Variants in GPC6 observed in about 807,000 individuals in gnomAD.
GPC6 encodes glypican-6.
A neutral mutation model predicts 55.2 loss-of-function variants in GPC6; 14 were observed. The ratio of observed to expected loss-of-function variants is 0.25; its 90% CI spans 0.17 to 0.40. GPC6 has a LOEUF of 0.40. Among genes scored for constraint, GPC6 ranks in the 10% least tolerant of loss-of-function variants. The pLI is 1.00. For synonymous variants in GPC6, 278 were observed against 259.6 expected (o/e 1.07, Z -0.68); for missense variants, 641 against 708.5 (o/e 0.90, Z 1.08).
intron 2 of GPC6, among the ~76,000 whole-genome samples, chr13:93,698,910 G>A (rs1014870081): frequency 1.3e-5 from 2 of 151,758 alleles, no homozygotes; most frequent in African/African-American, 4.8e-5. Context: ...CTCACATATC[G>A]GAAAATTTGA....
chr13:93,248,758 C>T (rs1200908963), intron 1 of GPC6, among the ~76,000 whole-genome samples: 1 of 152,218 alleles, frequency 6.6e-6, no homozygotes, highest in African/African-American at 2.4e-5. Context: ...CCTGTAGGTG[C>T]ACCACCTTCA....
At chr13:93,725,131 A>G (rs903311067) in intron 2 of GPC6, among the ~76,000 whole-genome samples, 12 of 152,082 alleles carry the variant, frequency 7.9e-5, no homozygotes, top group African/African-American at 2.7e-4. Context: ...AAGTTATAAA[A>G]TTACCTTGAA....
intron 2 of GPC6, among the ~76,000 whole-genome samples, chr13:93,825,829 T>A (rs1392635538): frequency 6.6e-6 from 1 of 151,778 alleles, no homozygotes; most frequent in African/African-American, 2.4e-5. Flanking sequence ...GGATGTCAGC[T>A]TTCATCTTTT....
intron 3 of GPC6, among the ~76,000 whole-genome samples, chr13:93,870,978 AT>A (rs918439451): frequency 2.7e-5 from 4 of 150,936 alleles, no homozygotes; most frequent in Admixed American, 1.3e-4. Flanking sequence ...TCAGCTATTC[AT>A]TTTTTTTTCC....
intron 2 of GPC6, among the ~76,000 whole-genome samples, chr13:93,635,560 G>T (rs187705743): frequency 6.6e-6 from 1 of 152,208 alleles, no homozygotes; most frequent in Non-Finnish European, 1.5e-5. Context: ...GAGTGGTTTT[G>T]GTTCTGTTGT....
At chr13:93,523,358 T>G (rs1173561107) in intron 1 of GPC6, among the ~76,000 whole-genome samples, 1 of 145,704 alleles carries the variant, frequency 6.9e-6, no homozygotes, top group Non-Finnish European at 1.5e-5. Context: ...TATAAACACA[T>G]GTATATATGT....
chr13:94,104,672 A>G (rs1245155670), intron 4 of GPC6, among the ~76,000 whole-genome samples: 3 of 152,158 alleles, frequency 2.0e-5, no homozygotes, highest in Non-Finnish European at 4.4e-5. Flanking sequence ...TACACCAACA[A>G]CAGACAAACA....
chr13:94,053,233 T>A (rs961347455), intron 4 of GPC6, among the ~76,000 whole-genome samples: 7 of 152,104 alleles, frequency 4.6e-5, no homozygotes, highest in Non-Finnish European at 1.0e-4. Flanking sequence ...GAAAGTAGCG[T>A]GTTTTTCTTT....
chr13:93,995,348 C>G (rs1363929129), intron 3 of GPC6, among the ~76,000 whole-genome samples: 1 of 151,996 alleles, frequency 6.6e-6, no homozygotes, highest in African/African-American at 2.4e-5. Flanking sequence ...CCACCACACC[C>G]AGGTAATTTT....
intron 2 of GPC6, among the ~76,000 whole-genome samples, chr13:93,553,972 T>TA (rs35301097): frequency 0.12 from 15,670 of 133,956 alleles, 1,074 homozygotes; most frequent in East Asian, 0.29. Flanking sequence ...CCGTCTCTAC[T>TA]AAAAAAAAAA....
intron 1 of GPC6, among the ~76,000 whole-genome samples, chr13:93,290,457 T>C (rs1878282127): frequency 1.3e-5 from 2 of 152,148 alleles, no homozygotes; most frequent in Admixed American, 6.5e-5. Flanking sequence ...ACGAGTAAAT[T>C]GGTTCATTTT....
In GPC6 at chr13:94,403,471, C is replaced by T. The variant is rs964546497; in HGVS notation, c.*254C>T. 24 of 502,138 alleles carry T rather than the reference C, an allele frequency of 4.8e-5. No individual in the cohort carries two copies. The highest frequency in any genetic ancestry group is 1.5e-4 in the African/African-American group (8 of 51,790). 31.1% of individuals were successfully genotyped at this position (502,138 alleles called of 1,614,324 possible). On this transcript the variant is annotated 3_prime_UTR_variant, in exon 9 of 9. Coordinates refer to ENST00000377047, the MANE Select transcript of GPC6 (RefSeq NM_005708.5). ...AGAGAGAATTCTTACTCAAATTTTT[C>T]GTACCAGGAGATTTTCTTACCTTCA...
intron 2 of GPC6, among the ~76,000 whole-genome samples, chr13:93,576,964 T>A (rs1876697122): frequency 6.6e-6 from 1 of 152,190 alleles, no homozygotes; most frequent in African/African-American, 2.4e-5. Flanking sequence ...TAACTCCGTG[T>A]ATTTGAAATA....
chr13:93,636,406 A>T (rs1205957794), intron 2 of GPC6, among the ~76,000 whole-genome samples: 1 of 152,164 alleles, frequency 6.6e-6, no homozygotes, highest in Non-Finnish European at 1.5e-5. Context: ...GAAAACTAGT[A>T]TTTATAGTGA....
chr13:93,252,222 C>T (rs1876809719), intron 1 of GPC6, among the ~76,000 whole-genome samples: 2 of 152,318 alleles, frequency 1.3e-5, no homozygotes, highest in Admixed American at 1.3e-4. Context: ...ACTTTGAGAA[C>T]CACTGTCTTA....
intron 4 of GPC6, among the ~76,000 whole-genome samples, chr13:94,033,368 C>T (rs1449016065): frequency 2.0e-5 from 3 of 152,144 alleles, no homozygotes; most frequent in Non-Finnish European, 4.4e-5. Flanking sequence ...TAAATGGCTA[C>T]TTGGTGCACA....
intron 2 of GPC6, among the ~76,000 whole-genome samples, chr13:93,693,067 T>G (rs545176467): frequency 3.9e-5 from 6 of 152,156 alleles, no homozygotes; most frequent in African/African-American, 1.4e-4. Flanking sequence ...AATAGCAAGA[T>G]AGAGGAGAGG....
intron 2 of GPC6, among the ~76,000 whole-genome samples, chr13:93,806,364 T>C (rs1036255539): frequency 1.3e-5 from 2 of 151,978 alleles, no homozygotes; most frequent in Non-Finnish European, 2.9e-5. Flanking sequence ...TGAGATGGAG[T>C]TTTACTCTTG....
chr13:94,202,485 C>T (rs1352765913), intron 4 of GPC6, among the ~76,000 whole-genome samples: 1 of 152,106 alleles, frequency 6.6e-6, no homozygotes, highest in Middle Eastern at 3.2e-3. Flanking sequence ...AGGGAAACGC[C>T]TTATAAAACC....
Sources: gnomAD v4.1 joint callset for allele counts (sites outside exome capture counted in the v4.1 genomes callset) on GRCh38, gnomAD v4.1.1 for gene constraint, MANE v1.5 for transcripts, NCBI Gene and HGNC (gene_info 2026-07-23, HGNC 2026-07-21) for gene names.